The following SLC35G1 variants were observed in gnomAD, a reference collection of about 807,000 sequenced individuals.
SLC35G1 encodes solute carrier family 35 member G1, also known as partner of STIM1.
In SLC35G1, 10 loss-of-function variants were observed where a neutral mutation model predicts 17.1. That is an observed-to-expected ratio of 0.59 (90% confidence interval 0.36 to 0.99). The LOEUF (loss-of-function observed/expected upper bound fraction) is 0.99, where lower values mean the gene tolerates loss of function less well. SLC35G1 is among the 50% of genes least tolerant of loss of function. The probability of loss-of-function intolerance (pLI) is 0.01; values close to 1 mark genes in which losing one functional copy is unlikely to be tolerated. For synonymous variants in SLC35G1, 185 were observed against 181.1 expected, an observed-to-expected ratio of 1.02 and a Z score of -0.18; for missense variants, 433 against 468.4, an observed-to-expected ratio of 0.92 and a Z score of 0.70.
At chr10:93,903,857 A>G (rs1447041029), downstream of SLC35G1, 1 of 152,188 alleles carries the variant, frequency 6.6e-6, no homozygotes, top group Non-Finnish European at 1.5e-5. Context: ...GCAAATATAT[A>G]ACTTATTTCC....
Position 93,894,146 on chromosome 10 carries a change from G to A in SLC35G1, c.113G>A (p.Gly38Glu). The A allele has an allele frequency of 6.7e-7, 1 of 1,483,682 alleles. No individual in the cohort carries two copies. Among genetic ancestry groups the A allele is most frequent in the Non-Finnish European group, 8.9e-7 (1 of 1,124,494 alleles). 91.9% of individuals were successfully genotyped at this position (1,483,682 alleles called of 1,614,324 possible). Residue 38 changes from glycine (G) to glutamate (E), a missense_variant, in exon 1 of 3, where the codon GGG becomes GAG. Transcript: ENST00000427197. ...TEEPAAAEAA[G>E]APDRGRCWLC... is the part of the protein sequence containing the mutation. ...GAGCCGGCGGCCGCCGAGGCAGCTGGGGCGCCAGACCGCGGTAGGTGCTGG... is the reference window on the plus strand; with the variant it reads ...GAGCCGGCGGCCGCCGAGGCAGCTGAGGCGCCAGACCGCGGTAGGTGCTGG...
At chr10:93,898,517 A>G (rs2060352630) in intron 1 of SLC35G1, 54 bp from the exon 2 acceptor site, 9 of 1,531,190 alleles carry the variant, frequency 5.9e-6, no homozygotes, top group Non-Finnish European at 6.1e-6. Flanking sequence ...CTAAGTGAAA[A>G]TGATAACACA....
intron 2 of SLC35G1, among the ~76,000 whole-genome samples, chr10:93,899,478 C>T (rs780034949): frequency 3.9e-5 from 6 of 152,138 alleles, no homozygotes; most frequent in Admixed American, 1.3e-4. Context: ...TTGTAACCTC[C>T]ATATACCTCA....
intron 1 of SLC35G1, among the ~76,000 whole-genome samples, chr10:93,896,569 A>G (rs1458599942): frequency 5.3e-5 from 8 of 152,214 alleles, no homozygotes; most frequent in Non-Finnish European, 1.2e-4. Context: ...TGATTTAGTA[A>G]GAAACTGAGG....
In SLC35G1 at chr10:93,898,668, G is replaced by A. The variant is rs754148402; in HGVS notation, c.276G>A (p.Val92=). ...FSVGSLFVKK[V]QDVHAVEISA... ...TGGGCTCTTTATTTGTTAAAAAAGTGCAAGACGTCCATGCTGTAGAGATTA... is the reference window on the plus strand; with the variant it reads ...TGGGCTCTTTATTTGTTAAAAAAGTACAAGACGTCCATGCTGTAGAGATTA... Residue 92 remains valine (V), a synonymous_variant, in exon 2 of 3, where the codon GTG becomes GTA. Transcript: ENST00000427197. 1.9e-6 allele frequency: 3 copies of A among 1,613,792 alleles called. No individual in the cohort carries two copies. The highest frequency in any genetic ancestry group is 1.7e-5 in the Admixed American group (1 of 59,974).
chr10:93,897,687 G>A lies in SLC35G1; in HGVS notation c.179-884G>A, dbSNP rs1422310593. Among the ~76,000 whole-genome samples the A allele has an allele frequency of 2.6e-5, 4 of 152,326 alleles. No individual in the cohort carries two copies. In the East Asian group the frequency reaches 5.8e-4, roughly 22 times the overall value. On this transcript the variant is annotated intron_variant, in intron 1 of 2. Coordinates refer to ENST00000427197, the MANE Select transcript of SLC35G1 (RefSeq NM_001134658.3). The stretch of plus-strand genomic sequence containing the variant: ...TAAGACATAGTAAGTGGCTAAACAA[G>A]TTTAAAGCTCACACAGATTGTCATT...
chr10:93,904,331 G>A (rs7903507), downstream of SLC35G1, among the ~76,000 whole-genome samples: 137,566 of 152,196 alleles, frequency 0.9, 62,227 homozygotes, highest in Middle Eastern at 0.94. Flanking sequence ...CTAAAGCCCT[G>A]TTTTCACTGT....
chr10:93,907,861 T>C (rs1340396244), downstream of SLC35G1: 1 of 152,024 alleles, frequency 6.6e-6, no homozygotes, highest in Non-Finnish European at 1.5e-5. Flanking sequence ...GGTGACTTGA[T>C]GGAAAAGAAA....
Position 93,901,137 on chromosome 10 carries a change from G to A in SLC35G1, c.745G>A (p.Val249Met), listed in dbSNP as rs1285246285. ...TATCCTAAGAAAAATGGGAAAATCT[G>A]TGGACTACTTTCTGAGCATTTGGTA... ...LVILRKMGKS[V>M]DYFLSIWYYV... Residue 249 changes from valine (V) to methionine (M), a missense_variant, in exon 3 of 3, where the codon GTG (valine) becomes ATG (methionine). By Grantham distance (21) the Val-to-Met change is conservative. Transcript: ENST00000427197. The A allele has an allele frequency of 1.2e-6, 2 of 1,614,118 alleles. No individual in the cohort carries two copies. The highest frequency in any genetic ancestry group is 3.3e-5 in the Admixed American group (2 of 60,018).
intron 1 of SLC35G1, 134 bp downstream of exon 1, chr10:93,894,345 C>T (rs1421897025): frequency 1.1e-6 from 1 of 890,448 alleles, no homozygotes; most frequent in Non-Finnish European, 1.5e-6. Context: ...GCTCGGGAAA[C>T]CCCTCGAGCT....
In SLC35G1 at chr10:93,894,000, C is replaced by T. The variant is rs2060301395; in HGVS notation, c.-34C>T. The T allele has an allele frequency of 7.4e-7, 1 of 1,346,736 alleles. No individual in the cohort carries two copies. Among genetic ancestry groups the T allele is most frequent in the Non-Finnish European group, 9.5e-7 (1 of 1,053,528 alleles). The allele number at this position is 1,346,736 out of a possible 1,614,324, so 83.4% of individuals were successfully genotyped here. A position where few individuals can be genotyped will look rare whatever the true frequency, so the allele number is the denominator to read the frequency against. On this transcript the variant is annotated 5_prime_UTR_variant, in exon 1 of 3. In the 5' UTR this introduces an upstream ATG that the reference lacks. Transcript: ENST00000427197. ...CCCAGGCGCTGCTGCTGGCGCCAGACGGCACCGGCCGCTGGTAGAGCGCGT... is the reference window on the plus strand; with the variant it reads ...CCCAGGCGCTGCTGCTGGCGCCAGATGGCACCGGCCGCTGGTAGAGCGCGT...
intron 1 of SLC35G1, among the ~76,000 whole-genome samples, chr10:93,897,451 C>G (rs1446296226): frequency 6.6e-6 from 1 of 152,218 alleles, no homozygotes; most frequent in African/African-American, 2.4e-5. Context: ...CATATCCACT[C>G]ACCCTTCAGT....
chr10:93,905,020 GCTGCCAAGGAT>G (rs2060419564), downstream of SLC35G1, among the ~76,000 whole-genome samples: 1 of 152,108 alleles, frequency 6.6e-6, no homozygotes, highest in Non-Finnish European at 1.5e-5. Flanking sequence ...CCCATATAGG[GCTGCCAAGGAT>G]CACCAGTCCT....
downstream of SLC35G1, among the ~76,000 whole-genome samples, chr10:93,906,672 G>A (rs2060431134): frequency 6.6e-6 from 1 of 152,060 alleles, no homozygotes; most frequent in African/African-American, 2.4e-5. Flanking sequence ...TTTTCATGGG[G>A]TTTTTTTAGC....
downstream of SLC35G1, chr10:93,907,655 CAG>C (rs1303845288): frequency 6.6e-6 from 1 of 152,118 alleles, no homozygotes; most frequent in East Asian, 1.9e-4. Flanking sequence ...AGAGGGTAAA[CAG>C]AATATTCCAG....
intron 1 of SLC35G1, among the ~76,000 whole-genome samples, chr10:93,894,461 C>G (rs185507071): frequency 6.6e-5 from 10 of 152,274 alleles, no homozygotes; most frequent in African/African-American, 1.9e-4. Flanking sequence ...GAGGCTGCTC[C>G]TGTAATTAGT....
At chr10:93,896,363 G>C (rs1460084187) in intron 1 of SLC35G1, among the ~76,000 whole-genome samples, 1 of 152,188 alleles carries the variant, frequency 6.6e-6, no homozygotes, top group Non-Finnish European at 1.5e-5. Context: ...CCAGCTGAAA[G>C]CAGAGGATAG....
chr10:93,906,060 A>G (rs2060426566), downstream of SLC35G1, among the ~76,000 whole-genome samples: 1 of 152,216 alleles, frequency 6.6e-6, no homozygotes, highest in Non-Finnish European at 1.5e-5. Flanking sequence ...ATACTTGACC[A>G]TGATTTAAGA....
Position 93,894,229 on chromosome 10 carries a change from A to G in SLC35G1, c.178+18A>G. The G allele has an allele frequency of 7.4e-7, 1 of 1,353,422 alleles. No homozygotes were observed. The allele number at this position is 1,353,422 out of a possible 1,614,324, so 83.8% of individuals were successfully genotyped here. ...CGAGCCGGGTGAGTGCGCGGTGTGG[A>G]TCGGGCTCTGGTCTCGCTCGGGGGT... On this transcript the variant is annotated intron_variant, in intron 1 of 2. Coordinates refer to ENST00000427197, the MANE Select transcript of SLC35G1 (RefSeq NM_001134658.3).
Sources: gnomAD v4.1 joint callset for allele counts (sites outside exome capture counted in the v4.1 genomes callset) on GRCh38, gnomAD v4.1.1 for gene constraint, MANE v1.5 for transcripts, NCBI Gene and HGNC (gene_info 2026-07-23, HGNC 2026-07-21) for gene names.